The following NDUFS3 variants were observed in gnomAD, a reference collection of about 807,000 sequenced individuals.
NDUFS3 encodes NADH dehydrogenase [ubiquinone] iron-sulfur protein 3, mitochondrial.
NDUFS3 carries 19 observed loss-of-function variants against 30.8 expected under a neutral mutation model. That is an observed-to-expected ratio of 0.62 (90% CI 0.43 to 0.91). NDUFS3 has a LOEUF of 0.91. Among genes scored for constraint, NDUFS3 ranks in the 40% least tolerant of loss-of-function variants. NDUFS3 has a pLI of 0.00. For missense variants in NDUFS3, 331 were observed against 342.0 expected (o/e 0.97, Z 0.25); for synonymous variants, 153 against 135.8 (o/e 1.13, Z -0.88).
In NDUFS3 at chr11:47,582,099, C is replaced by A; in HGVS notation, c.393C>A (p.Asn131Lys). The A allele has an allele frequency of 6.2e-7, 1 of 1,614,022 alleles. No individual in the cohort carries two copies. The highest frequency in any genetic ancestry group is 2.2e-5 in the East Asian group (1 of 44,880). The change falls in exon 5 of 7, where the codon AAC becomes AAA. Residue 131 changes from asparagine to lysine, a missense_variant. Coordinates refer to ENST00000263774, the MANE Select transcript of NDUFS3 (RefSeq NM_004551.3). ...TCTGTTCTCCCTAGATTGTCTACAA[C>A]CTGTTGTCTCTGCGCTTCAACTCAC... ...TRQNRFEIVY[N>K]LLSLRFNSRI...
chr11:47,581,208 C>A, intron 4 of NDUFS3: 1 of 535,444 alleles, frequency 1.9e-6, no homozygotes, highest in Non-Finnish European at 3.3e-6. Flanking sequence ...GGCTGGAGTG[C>A]AGTGGCATGA....
intron 3 of NDUFS3, 27 bp downstream of exon 3, chr11:47,580,649 C>G (rs373884511): frequency 6.8e-6 from 11 of 1,609,994 alleles, no homozygotes; most frequent in Non-Finnish European, 9.4e-6. Flanking sequence ...TTATTTGGGT[C>G]TGGGTCAAGA....
At chr11:47,580,683 T>G in intron 3 of NDUFS3, 61 bp downstream of exon 3, 1 of 1,588,574 alleles carries the variant, frequency 6.3e-7, no homozygotes, top group African/African-American at 1.3e-5. Flanking sequence ...GCAGGGCATG[T>G]GGGAGTGGGC....
At chr11:47,581,186 GCT>G (rs2097268645) in intron 4 of NDUFS3, 2 of 599,910 alleles carry the variant, frequency 3.3e-6, no homozygotes, top group East Asian at 3.1e-5. Context: ...ACGGAATCTT[GCT>G]CTGTCGCCAG....
intron 6 of NDUFS3, among the ~76,000 whole-genome samples, chr11:47,583,031 T>C (rs886988599): frequency 3.3e-5 from 5 of 151,900 alleles, no homozygotes; most frequent in African/African-American, 1.2e-4. Flanking sequence ...CCTGCTGTAT[T>C]GTAAAGGCTC....
Position 47,582,446 on chromosome 11 carries a change from T to G in NDUFS3, c.605T>G (p.Phe202Cys). The change falls in exon 6 of 7, where the codon TTT becomes TGT. Residue 202 changes from phenylalanine (F) to cysteine (C), a missense_variant. Coordinates refer to ENST00000263774, the MANE Select transcript of NDUFS3 (RefSeq NM_004551.3). ...GAGGGACATCCTTTCCGGAAAGACTTTCCTCTATCTGGCTATGTTGAGGTA... is the reference window on the plus strand; with the variant it reads ...GAGGGACATCCTTTCCGGAAAGACTGTCCTCTATCTGGCTATGTTGAGGTA... ...GFEGHPFRKD[F>C]PLSGYVELRY... The G allele has an allele frequency of 6.2e-7, 1 of 1,614,118 alleles. No homozygotes were observed. Among genetic ancestry groups the G allele is most frequent in the Non-Finnish European group, 8.5e-7 (1 of 1,179,954 alleles).
intron 2 of NDUFS3, among the ~76,000 whole-genome samples, chr11:47,580,018 CACACACACA>C (rs2097267428): frequency 8.0e-6 from 1 of 125,046 alleles, no homozygotes; most frequent in African/African-American, 3.3e-5. Flanking sequence ...CACACACACA[CACACACACA>C]CACCTGGGCC....
intron 6 of NDUFS3, among the ~76,000 whole-genome samples, chr11:47,583,252 T>G (rs919656081): frequency 6.6e-6 from 1 of 152,178 alleles, no homozygotes; most frequent in East Asian, 1.9e-4. Flanking sequence ...GGTTTCTCCA[T>G]GTTGCCCAAA....
chr11:47,581,703 A>G (rs906707191), intron 4 of NDUFS3: 1 of 322,964 alleles, frequency 3.1e-6, no homozygotes, highest in Non-Finnish European at 6.1e-6. Context: ...TGAAGGAGAA[A>G]GACACCTAAA....
At chr11:47,581,115 A>G in intron 4 of NDUFS3, 131 bp downstream of exon 4, 1 of 1,133,998 alleles carries the variant, frequency 8.8e-7, no homozygotes, top group East Asian at 2.4e-5. Flanking sequence ...TGGTTCTGCC[A>G]CTAAATGGCT....
At position 47,580,088 on chromosome 11, in the gene NDUFS3, G is replaced by A. The variant is rs1342825966; in HGVS notation, c.134-437G>A. On this transcript the variant is annotated intron_variant, in intron 2 of 6. Coordinates refer to ENST00000263774, the MANE Select transcript of NDUFS3 (RefSeq NM_004551.3). ...ACACACACACTTTTAAGGAGAGAGA[G>A]AGTCTGTGAGGGATCTTCAAGCCCT... 2.6e-5 allele frequency among the ~76,000 whole-genome samples: 4 copies of A among 152,076 alleles called. No homozygotes were observed. In the South Asian group the frequency reaches 8.3e-4, roughly 32 times the overall value.
intron 6 of NDUFS3, 69 bp from the exon 7 acceptor site, chr11:47,584,245 A>G: frequency 1.2e-6 from 2 of 1,606,542 alleles, no homozygotes; most frequent in Admixed American, 3.3e-5. Flanking sequence ...TAGCCTTGTG[A>G]AAAGTAGGCT....
In NDUFS3 at chr11:47,582,412, T is replaced by G. The variant is rs1465320812; in HGVS notation, c.571T>G (p.Tyr191Asp). The change falls in exon 6 of 7, where the codon TAT (tyrosine) becomes GAT (aspartate). Residue 191 changes from tyrosine to aspartate, a missense_variant. By Grantham distance (160) the Tyr-to-Asp change is radical. Coordinates refer to ENST00000263774, the MANE Select transcript of NDUFS3 (RefSeq NM_004551.3). ...TGATCTAAGAAGGATCCTGACAGAT[T>G]ATGGCTTCGAGGGACATCCTTTCCG... ...HPDLRRILTD[Y>D]GFEGHPFRKD... 2 of 1,614,084 alleles carry G rather than the reference T, an allele frequency of 1.2e-6. No homozygotes were observed. Among genetic ancestry groups the G allele is most frequent in the East Asian group, 2.2e-5 (1 of 44,892 alleles).
In NDUFS3 at chr11:47,580,536, C is replaced by T. The variant is rs1052267746; in HGVS notation, c.145C>T (p.Pro49Ser). 1.2e-6 allele frequency: 2 copies of T among 1,614,180 alleles called. No homozygotes were observed. The highest frequency in any genetic ancestry group is 3.3e-5 in the Admixed American group (2 of 60,014). Residue 49 changes from proline to serine, a missense_variant, in exon 3 of 7, where the codon CCA becomes TCA. Physicochemically the swap from Pro to Ser is moderately conservative, Grantham distance 74. Transcript: ENST00000263774. ...CCTTTTCCTTCCAGCCACTGTCAGACCACGGAATGATGTGGCCCACAAGCA... is the reference window on the plus strand; with the variant it reads ...CCTTTTCCTTCCAGCCACTGTCAGATCACGGAATGATGTGGCCCACAAGCA... Reference protein sequence around the residue: ...AGADTRPTVRPRNDVAHKQLS... With the variant: ...AGADTRPTVRSRNDVAHKQLS...
At chr11:47,581,073 C>A in intron 4 of NDUFS3, 89 bp downstream of exon 4, 1 of 1,516,342 alleles carries the variant, frequency 6.6e-7, no homozygotes, top group Non-Finnish European at 9.1e-7. Flanking sequence ...TAAACTGGAA[C>A]TTCAGAGTCA....
rs369751345 is a variant in NDUFS3, at chr11:47,579,112, C to T, written c.21C>T (p.Ala7=). The T allele has an allele frequency of 3.6e-5, 57 of 1,584,314 alleles. No homozygotes were observed. The African/African-American group carries it at 5.8e-4, about 16-fold the overall frequency. MAAAAV[A]RLWWRGILGA... is the part of the protein sequence containing the mutation. ...GTAACATGGCGGCGGCGGCGGTAGC[C>T]AGGCTGTGGTGGCGCGGGATCTTGG... is the stretch of plus-strand genomic sequence containing the variant. The change falls in exon 1 of 7, where the codon GCC becomes GCT. Residue 7 remains alanine, a synonymous_variant. Coordinates refer to ENST00000263774, the MANE Select transcript of NDUFS3 (RefSeq NM_004551.3).
Position 47,580,382 on chromosome 11 carries a change from G to A in NDUFS3, c.134-143G>A, listed in dbSNP as rs559883914. The A allele has an allele frequency of 2.3e-4, 177 of 784,938 alleles. 6 individuals are homozygous for A. The South Asian group carries it at 2.4e-3, about 11-fold the overall frequency. The allele number at this position is 784,938 out of a possible 1,614,324, so 48.6% of individuals were successfully genotyped here. On this transcript the variant is annotated intron_variant, in intron 2 of 6. Coordinates refer to ENST00000263774, the MANE Select transcript of NDUFS3 (RefSeq NM_004551.3). ...GTTTTCATCACTGTATTCCCTAGAA[G>A]GGAAACCTTTCACATGCACCTTTCT...
chr11:47,582,535 G>A (rs2097269257), intron 6 of NDUFS3, 67 bp downstream of exon 6: 1 of 1,609,904 alleles, frequency 6.2e-7, no homozygotes, highest in Non-Finnish European at 8.5e-7. Context: ...GGGATCCCTG[G>A]GAATGGCAAG....
Position 47,579,116 on chromosome 11 carries a change from C to G in NDUFS3, c.25C>G (p.Leu9Val), listed in dbSNP as rs765647250. 2 of 1,587,298 alleles carry G rather than the reference C, an allele frequency of 1.3e-6. No homozygotes were observed. Among genetic ancestry groups the G allele is most frequent in the South Asian group, 2.3e-5 (2 of 88,788 alleles). ...CATGGCGGCGGCGGCGGTAGCCAGGCTGTGGTGGCGCGGGATCTTGGGGGC... is the reference window on the plus strand; with the variant it reads ...CATGGCGGCGGCGGCGGTAGCCAGGGTGTGGTGGCGCGGGATCTTGGGGGC... MAAAAVAR[L>V]WWRGILGASA... The change falls in exon 1 of 7, where the codon CTG (leucine) becomes GTG (valine). Residue 9 changes from leucine to valine, a missense_variant. Leu to Val is a conservative substitution (Grantham distance 32). Coordinates refer to ENST00000263774, the MANE Select transcript of NDUFS3 (RefSeq NM_004551.3).
Sources: allele counts gnomAD v4.1 joint callset (sites outside exome capture counted in the v4.1 genomes callset), GRCh38; gene constraint gnomAD v4.1.1; transcripts MANE v1.5; gene names NCBI Gene and HGNC (gene_info 2026-07-23, HGNC 2026-07-21).